Variants in BMP7 observed in about 807,000 individuals in gnomAD.
The protein encoded by BMP7 is osteogenic protein 1.
A neutral mutation model predicts 41.2 loss-of-function variants in BMP7; 12 were observed. That is an observed-to-expected ratio of 0.29 (90% CI 0.19 to 0.47). The LOEUF (loss-of-function observed/expected upper bound fraction) is 0.47. Among genes scored for constraint, BMP7 ranks in the 20% least tolerant of loss-of-function variants. The pLI, the probability that BMP7 is intolerant of heterozygous loss-of-function variation, is 0.99. For synonymous variants in BMP7, 248 were observed against 250.0 expected, an observed-to-expected ratio of 0.99 and a Z score of 0.07; for missense variants, 467 against 606.0, an observed-to-expected ratio of 0.77 and a Z score of 2.41.
chr20:57,186,858 T>G (rs1218886133), intron 3 of BMP7, among the ~76,000 whole-genome samples: 1 of 152,224 alleles, frequency 6.6e-6, no homozygotes. Flanking sequence ...TATTTTACCT[T>G]AACTCCCTTT....
Position 57,183,763 on chromosome 20 carries a change from G to T in BMP7, c.917C>A (p.Thr306Lys). The change falls in exon 4 of 7, where the codon ACG (threonine) becomes AAG (lysine). Residue 306 changes from threonine (T) to lysine (K), a missense_variant. Thr to Lys is a moderately conservative substitution (Grantham distance 78). This residue lies in a region of BMP7 where 407 missense variants were observed against 485.9 expected (regional missense o/e 0.84). Transcript: ENST00000395863. ...CCGCAGGGCTTCCTGGTTCTTGGGC[G>T]TCTTGGAGCGGTTCTGGCTGCGCTG... Reference protein sequence around the residue: ...SKQRSQNRSKTPKNQEALRMA... With the variant: ...SKQRSQNRSKKPKNQEALRMA... 6.2e-7 allele frequency: 1 copy of T among 1,614,158 alleles called. No individual in the cohort carries two copies. Among genetic ancestry groups the T allele is most frequent in the Non-Finnish European group, 8.5e-7 (1 of 1,180,034 alleles).
chr20:57,174,919 C>T lies in BMP7; in HGVS notation c.1035+12G>A, dbSNP rs1321581000. The T allele has an allele frequency of 1.2e-6, 2 of 1,608,946 alleles. No individual in the cohort carries two copies. Among genetic ancestry groups the T allele is most frequent in the East Asian group, 2.2e-5 (1 of 44,734 alleles). On this transcript the variant is annotated intron_variant, in intron 5 of 6. Transcript: ENST00000395863. This position sits in a 1 kb window ranked among gnomAD's most constrained non-coding sequence, Gnocchi z 4.3. ...GGGCCCACACCCAAGACAGACCCAG[C>T]CAGCCCCTTACCTGCCAGCCCAGGT...
At chr20:57,229,734 A>T (rs981717050) in intron 1 of BMP7, among the ~76,000 whole-genome samples, 1 of 152,232 alleles carries the variant, frequency 6.6e-6, no homozygotes, top group Admixed American at 6.5e-5. Flanking sequence ...GATTGGTCAG[A>T]AGAAAGGAGA....
intron 1 of BMP7, among the ~76,000 whole-genome samples, chr20:57,255,149 C>T (rs2066129266): frequency 6.6e-6 from 1 of 152,132 alleles, no homozygotes; most frequent in Admixed American, 6.5e-5. Flanking sequence ...ATCATCTCCT[C>T]CACGCTCCCC....
rs2066014136 is a variant in BMP7, at chr20:57,228,018, G to A, written c.611+211C>T. On this transcript the variant is annotated intron_variant, in intron 2 of 6. Coordinates refer to ENST00000395863, the MANE Select transcript of BMP7 (RefSeq NM_001719.3). The surrounding 1 kb of genome is among the most constrained non-coding windows in gnomAD (Gnocchi z 4.5). ...CCCACAAGGCACCACGCATCCCTGGGCTCCCTGGCCTTCTACTATTCCTGA... is the reference window on the plus strand; with the variant it reads ...CCCACAAGGCACCACGCATCCCTGGACTCCCTGGCCTTCTACTATTCCTGA... Among the ~76,000 whole-genome samples the A allele has an allele frequency of 6.6e-6, 1 of 152,130 alleles. No homozygotes were observed.
chr20:57,229,064 T>G (rs1341817322), intron 1 of BMP7, among the ~76,000 whole-genome samples: 1 of 152,146 alleles, frequency 6.6e-6, no homozygotes, highest in East Asian at 1.9e-4. Context: ...TCTGGGATGG[T>G]AAACATTTAA....
In BMP7 at chr20:57,266,234, C is replaced by A. The variant is rs984144414; in HGVS notation, c.-112G>T. On this transcript the variant is annotated 5_prime_UTR_variant, in exon 1 of 7. Coordinates refer to ENST00000395863, the MANE Select transcript of BMP7 (RefSeq NM_001719.3). ...GCTCGGTCACTTGCTGCAGACGGGCCCCGCTGCGCCCGCGCCAGACATGGC... is the reference window on the plus strand; with the variant it reads ...GCTCGGTCACTTGCTGCAGACGGGCACCGCTGCGCCCGCGCCAGACATGGC... 2.7e-6 allele frequency: 3 copies of A among 1,104,310 alleles called. No individual in the cohort carries two copies. The African/African-American group carries it at 5.0e-5, about 18-fold the overall frequency. 68.4% of individuals were successfully genotyped at this position (1,104,310 alleles called of 1,614,324 possible). A position where few individuals can be genotyped will look rare whatever the true frequency, so the allele number is the denominator to read the frequency against.
chr20:57,206,271 C>T (rs1568714351), intron 2 of BMP7, among the ~76,000 whole-genome samples: 1 of 152,158 alleles, frequency 6.6e-6, no homozygotes, highest in Non-Finnish European at 1.5e-5. Context: ...GTTCTTTCAC[C>T]TTCGCCACTG....
At chr20:57,254,310 A>G (rs576455650) in intron 1 of BMP7, among the ~76,000 whole-genome samples, 1 of 152,138 alleles carries the variant, frequency 6.6e-6, no homozygotes, top group South Asian at 2.1e-4. Context: ...GGCGTGAGCC[A>G]CCGCGCCCAG....
Position 57,224,195 on chromosome 20 carries a change from T to A in BMP7, c.611+4034A>T, listed in dbSNP as rs1397576447. Among the ~76,000 whole-genome samples, 2 of 152,124 alleles carry A rather than the reference T, an allele frequency of 1.3e-5. No individual in the cohort carries two copies. The highest frequency in any genetic ancestry group is 2.9e-5 in the Non-Finnish European group (2 of 68,002). On this transcript the variant is annotated intron_variant, in intron 2 of 6. Coordinates refer to ENST00000395863, the MANE Select transcript of BMP7 (RefSeq NM_001719.3). The surrounding 1 kb of genome is among the most constrained non-coding windows in gnomAD (Gnocchi z 4.8). Reference sequence around the variant, plus strand: ...CAGGCAGGGGGCAGCTCCCTCTTCCTCAGAGTGACTCAGGCTGCAGCTGAT... The same window carrying A: ...CAGGCAGGGGGCAGCTCCCTCTTCCACAGAGTGACTCAGGCTGCAGCTGAT...
At chr20:57,195,245 C>T (rs1204871729) in intron 3 of BMP7, among the ~76,000 whole-genome samples, 1 of 152,196 alleles carries the variant, frequency 6.6e-6, no homozygotes, top group African/African-American at 2.4e-5. Flanking sequence ...GGGGTGGCAT[C>T]TCGGTTTCCT....
intron 2 of BMP7, among the ~76,000 whole-genome samples, chr20:57,220,843 A>T (rs938469317): frequency 1.3e-5 from 2 of 152,204 alleles, no homozygotes; most frequent in African/African-American, 2.4e-5. Flanking sequence ...TCGAGTTTCA[A>T]TTCTGGAAGA....
rs916328676 is a variant in BMP7, at chr20:57,174,805, C to T, written c.1035+126G>A. 30 of 1,055,798 alleles carry T rather than the reference C, an allele frequency of 2.8e-5. No homozygotes were observed. The highest frequency in any genetic ancestry group is 8.1e-5 in the South Asian group (6 of 73,970). 65.4% of individuals were successfully genotyped at this position (1,055,798 alleles called of 1,614,324 possible). ...CCTTAGCCCAAGTCCCCTTCCCTAG[C>T]GAGGCCACTTGATACTGGAGTCTTA... On this transcript the variant is annotated intron_variant, in intron 5 of 6. Coordinates refer to ENST00000395863, the MANE Select transcript of BMP7 (RefSeq NM_001719.3). The surrounding 1 kb of genome is among the most constrained non-coding windows in gnomAD (Gnocchi z 4.3).
In BMP7 at chr20:57,228,385, T is replaced by C; in HGVS notation, c.455A>G (p.His152Arg). 6.2e-7 allele frequency: 1 copy of C among 1,614,122 alleles called. No individual in the cohort carries two copies. Among genetic ancestry groups the C allele is most frequent in the Non-Finnish European group, 8.5e-7 (1 of 1,180,026 alleles). The change falls in exon 2 of 7, where the codon CAC (histidine) becomes CGC (arginine). Residue 152 changes from histidine to arginine, a missense_variant. By Grantham distance (29) the His-to-Arg change is conservative (BLOSUM62 0). Coordinates refer to ENST00000395863, the MANE Select transcript of BMP7 (RefSeq NM_001719.3). This position sits in a 1 kb window ranked among gnomAD's most constrained non-coding sequence, Gnocchi z 4.5. ...HDKEFFHPRYHHREFRFDLSK... is the reference protein window; with the variant it reads ...HDKEFFHPRYRHREFRFDLSK... ...AAGATCAAACCGGAACTCTCGATGG[T>C]GGTAGCGTGGGTGGAAGAATTCCTT...
chr20:57,173,222 T>C lies in BMP7; in HGVS notation c.1124A>G (p.Asn375Ser), dbSNP rs749995679. 4.3e-5 allele frequency: 70 copies of C among 1,613,928 alleles called. No homozygotes were observed. The highest frequency in any genetic ancestry group is 4.9e-5 in the Non-Finnish European group (58 of 1,179,998). Residue 375 changes from asparagine (N) to serine (S), a missense_variant, in exon 6 of 7, where the codon AAC (asparagine) becomes AGC (serine). By Grantham distance (46) the Asn-to-Ser change is conservative. Around this residue, in one of 2 missense-constraint regions of BMP7, gnomAD observed 60 missense variants for 120.1 expected, o/e 0.50. Transcript: ENST00000395863. Reference sequence around the variant, plus strand: ...CACCAGCGTCTGCACGATGGCGTGGTTGGTGGCGTTCATGTAGGAGTTCAG... The same window carrying C: ...CACCAGCGTCTGCACGATGGCGTGGCTGGTGGCGTTCATGTAGGAGTTCAG... Reference protein sequence around the residue: ...FPLNSYMNATNHAIVQTLVHF... With the variant: ...FPLNSYMNATSHAIVQTLVHF...
At chr20:57,203,923 G>A (rs1036926422) in intron 2 of BMP7, among the ~76,000 whole-genome samples, 2 of 152,230 alleles carry the variant, frequency 1.3e-5, no homozygotes, top group African/African-American at 4.8e-5. Flanking sequence ...CCAGGCTCCA[G>A]GTTGAAATGC....
intron 2 of BMP7, among the ~76,000 whole-genome samples, chr20:57,222,520 G>T (rs974095294): frequency 2.0e-5 from 3 of 152,080 alleles, no homozygotes; most frequent in South Asian, 2.1e-4. Flanking sequence ...TTAAGGGCCT[G>T]CCACTCCCTC....
intron 3 of BMP7, among the ~76,000 whole-genome samples, chr20:57,199,477 C>G (rs1984573941): frequency 1.3e-5 from 2 of 152,176 alleles, no homozygotes; most frequent in Non-Finnish European, 2.9e-5. Flanking sequence ...CCCACGGAAA[C>G]AAAACCACAT....
At position 57,234,439 on chromosome 20, in the gene BMP7, A is replaced by G. The variant is rs188580325; in HGVS notation, c.419-6018T>C. Among the ~76,000 whole-genome samples the G allele has an allele frequency of 1.7e-3, 266 of 152,270 alleles. 2 individuals carry two copies. The highest frequency in any genetic ancestry group is 2.0e-3 in the Non-Finnish European group (139 of 68,026). On this transcript the variant is annotated intron_variant, in intron 1 of 6. Transcript: ENST00000395863. ...TTGAGGAGAGAGACCTGCTGGGTTG[A>G]TCCCCTGGTCTGGTAGTCCCTGCCC... is the stretch of plus-strand genomic sequence containing the variant.
Sources: gnomAD v4.1 joint callset for allele counts (sites outside exome capture counted in the v4.1 genomes callset) on GRCh38, gnomAD v4.1.1 for gene constraint, gnomAD v4.1.1 regional missense constraint, Gnocchi (gnomAD v3.1) non-coding constraint, MANE v1.5 for transcripts, NCBI Gene and HGNC (gene_info 2026-07-23, HGNC 2026-07-21) for gene names.